The following NUP214 variants were observed in gnomAD, a reference collection of about 807,000 sequenced individuals.
NUP214 encodes the protein nuclear pore complex protein Nup214.
In NUP214, 79 loss-of-function variants were observed where a neutral mutation model predicts 196.2. The ratio of observed to expected loss-of-function variants is 0.40; its 90% CI spans 0.34 to 0.49. The LOEUF (loss-of-function observed/expected upper bound fraction) is 0.49. NUP214 is among the 20% of genes least tolerant of loss of function. The pLI, the probability that NUP214 is intolerant of heterozygous loss-of-function variation, is 0.58. For missense variants in NUP214, 2,468 were observed against 2,539.0 expected, an observed-to-expected ratio of 0.97 and a Z score of 0.60; for synonymous variants, 1,020 against 990.5, an observed-to-expected ratio of 1.03 and a Z score of -0.56.
chr9:131,198,526 G>A lies in NUP214; in HGVS notation c.5032G>A (p.Ala1678Thr). The change falls in exon 29 of 36, where the codon GCA becomes ACA. Residue 1678 changes from alanine to threonine, a missense_variant. By Grantham distance (58) the Ala-to-Thr change is moderately conservative. Around this residue, in one of 5 missense-constraint regions of NUP214, gnomAD observed 1,801 missense variants for 1,779.4 expected, o/e 1.01. Coordinates refer to ENST00000359428, the MANE Select transcript of NUP214 (RefSeq NM_005085.4). ...PSATPVFGQVAASTAPSLFGQ... is the reference protein window; with the variant it reads ...PSATPVFGQVTASTAPSLFGQ... Reference sequence around the variant, plus strand: ...TGCCACGCCCGTGTTTGGGCAAGTGGCAGCCAGCACCGCACCAAGTCTGTT... The same window carrying A: ...TGCCACGCCCGTGTTTGGGCAAGTGACAGCCAGCACCGCACCAAGTCTGTT... The A allele has an allele frequency of 1.2e-6, 2 of 1,614,190 alleles. No homozygotes were observed. The highest frequency in any genetic ancestry group is 4.5e-5 in the East Asian group (2 of 44,882).
chr9:131,142,071 T>G (rs897440144), intron 11 of NUP214, among the ~76,000 whole-genome samples: 7 of 152,206 alleles, frequency 4.6e-5, no homozygotes, highest in African/African-American at 9.6e-5. Flanking sequence ...ATATACCAGA[T>G]GGCTTGCAGA....
chr9:131,130,132 G>GTTTTTTTTTTTTTTTTTTTTTTTTTTT (rs1245763919), intron 4 of NUP214, among the ~76,000 whole-genome samples: 7 of 46,552 alleles, frequency 1.5e-4, no homozygotes, highest in Non-Finnish European at 2.6e-4. Flanking sequence ...ATGATTTCTG[G>GTTTTTTTTTTTTTTTTTTTTTTTTTTT]TTTTGTTTTT....
At chr9:131,161,094 A>G (rs1212551246) in intron 18 of NUP214, among the ~76,000 whole-genome samples, 1 of 152,200 alleles carries the variant, frequency 6.6e-6, no homozygotes, top group Non-Finnish European at 1.5e-5. Context: ...AGAGAAGCCA[A>G]GCTTTTTTTT....
At chr9:131,160,497 AAGG>A (rs1206789838) in intron 18 of NUP214, among the ~76,000 whole-genome samples, 1 of 152,214 alleles carries the variant, frequency 6.6e-6, no homozygotes, top group African/African-American at 2.4e-5. Flanking sequence ...TATTTTCCAC[AAGG>A]AGTAGAATGT....
rs1341702829 is a variant in NUP214 at position 131,228,168 on chromosome 9, G to T, written c.5911G>T (p.Gly1971Cys). ...GCCTCTGTTTTGCTCAGGTGGCTTCGGTGCTGCTCCAGTGTTTGGCAGCCC... is the reference window on the plus strand; with the variant it reads ...GCCTCTGTTTTGCTCAGGTGGCTTCTGTGCTGCTCCAGTGTTTGGCAGCCC... ...FSSPNKTGGF[G>C]AAPVFGSPPT... Residue 1971 changes from glycine to cysteine, a missense_variant, in exon 33 of 36, where the codon GGT becomes TGT. Gly to Cys is a radical substitution (Grantham distance 159, BLOSUM62 -3). Around this residue, in one of 5 missense-constraint regions of NUP214, gnomAD observed 262 missense variants for 296.5 expected, o/e 0.88. Coordinates refer to ENST00000359428, the MANE Select transcript of NUP214 (RefSeq NM_005085.4). 3.2e-6 allele frequency: 5 copies of T among 1,578,192 alleles called. No individual in the cohort carries two copies. The African/African-American group carries it at 5.6e-5, about 18-fold the overall frequency.
intron 21 of NUP214, 151 bp from the exon 22 acceptor site, chr9:131,173,904 C>A: frequency 9.7e-7 from 1 of 1,034,796 alleles, no homozygotes; most frequent in Non-Finnish European, 1.4e-6. Flanking sequence ...TTTTTGTTCA[C>A]ATTTGACAAT....
At chr9:131,196,038 C>CG (rs1833777909) in intron 28 of NUP214, among the ~76,000 whole-genome samples, 1 of 36,150 alleles carries the variant, frequency 2.8e-5, no homozygotes, top group African/African-American at 7.6e-5. Context: ...CCCCCCCCCC[C>CG]CGCGCCAAAA....
intron 31 of NUP214, among the ~76,000 whole-genome samples, chr9:131,220,231 C>G (rs183694495): frequency 6.6e-6 from 1 of 152,062 alleles, no homozygotes; most frequent in South Asian, 2.1e-4. Flanking sequence ...TTGTTCGGTC[C>G]GCCAAGATAT....
chr9:131,194,769 G>A (rs886484062), intron 27 of NUP214, among the ~76,000 whole-genome samples: 4 of 152,140 alleles, frequency 2.6e-5, no homozygotes, highest in Non-Finnish European at 4.4e-5. Context: ...GCAGTGTGGG[G>A]CTCTCTGACA....
chr9:131,129,705 G>A (rs1238612602), intron 4 of NUP214, among the ~76,000 whole-genome samples: 1 of 152,054 alleles, frequency 6.6e-6, no homozygotes, highest in Admixed American at 6.6e-5. Flanking sequence ...CTGGGTTCAA[G>A]CAATTCTCGT....
At chr9:131,201,844 C>A in intron 30 of NUP214, 127 bp downstream of exon 30, 1 of 781,610 alleles carries the variant, frequency 1.3e-6, no homozygotes, top group Non-Finnish European at 2.2e-6. Flanking sequence ...GGTTCTTAAG[C>A]TGTACTCCCT....
Position 131,150,403 on chromosome 9 carries a change from G to A in NUP214, c.2120G>A (p.Gly707Glu). ...TCAGATCCTGTAATGGCTGGAATTGGGGAGGAGGTAAATTTGTTTCCTGAG... is the reference window on the plus strand; with the variant it reads ...TCAGATCCTGTAATGGCTGGAATTGAGGAGGAGGTAAATTTGTTTCCTGAG... ...KDSDPVMAGI[G>E]EEIAHFQKEL... Residue 707 changes from glycine (G) to glutamate (E), a missense_variant, in exon 15 of 36, where the codon GGG becomes GAG. This residue lies in a region of NUP214 where 1,801 missense variants were observed against 1,779.4 expected (regional missense o/e 1.01). Transcript: ENST00000359428. The A allele has an allele frequency of 6.2e-7, 1 of 1,614,112 alleles. No individual in the cohort carries two copies. Among genetic ancestry groups the A allele is most frequent in the Non-Finnish European group, 8.5e-7 (1 of 1,179,976 alleles).
At chr9:131,222,749 T>A (rs1834598331) in intron 31 of NUP214, 29 bp from the exon 32 acceptor site, 3 of 1,602,568 alleles carry the variant, frequency 1.9e-6, no homozygotes, top group Non-Finnish European at 2.6e-6. Context: ...TGTCTCCCTC[T>A]GACCTCCCTC....
chr9:131,198,438 T>C lies in NUP214; in HGVS notation c.4944T>C (p.Pro1648=). The change falls in exon 29 of 36, where the codon CCT becomes CCC. Residue 1648 remains proline, a synonymous_variant. Transcript: ENST00000359428. ...VTSGSSVFAQ[P]PAASSSSAFN... The stretch of plus-strand genomic sequence containing the variant: ...CTGGCTCATCCGTCTTTGCTCAGCC[T>C]CCTGCTGCCAGTTCTAGCTCAGCTT... The C allele has an allele frequency of 6.2e-7, 1 of 1,614,216 alleles. No homozygotes were observed. Among genetic ancestry groups the C allele is most frequent in the Non-Finnish European group, 8.5e-7 (1 of 1,180,034 alleles).
intron 30 of NUP214, among the ~76,000 whole-genome samples, chr9:131,203,036 C>T (rs972535011): frequency 1.3e-5 from 2 of 151,854 alleles, no homozygotes; most frequent in Non-Finnish European, 2.9e-5. Flanking sequence ...AGCTCTGCCT[C>T]CCAGGTTCAC....
In NUP214 at chr9:131,192,194, T is replaced by TTTC. The variant is rs761322459; in HGVS notation, c.3575-13_3575-12insTCT. The TTTC allele has an allele frequency of 2.4e-6, 3 of 1,269,262 alleles. No individual in the cohort carries two copies. The highest frequency in any genetic ancestry group is 4.9e-5 in the East Asian group (2 of 40,614). 78.6% of individuals were successfully genotyped at this position (1,269,262 alleles called of 1,614,324 possible). A position where few individuals can be genotyped will look rare whatever the true frequency, so the allele number is the denominator to read the frequency against. ...CTTTTTTTTTTTTTTTTTTTTTTTT[T>TTTC]TCCATAATTTCAGGGACAGCCAAGA... On this transcript the variant is annotated splice_polypyrimidine_tract_variant and intron_variant, in intron 26 of 35. Transcript: ENST00000359428.
At chr9:131,182,024 A>G (rs1833293784) in intron 24 of NUP214, among the ~76,000 whole-genome samples, 1 of 152,182 alleles carries the variant, frequency 6.6e-6, no homozygotes, top group Non-Finnish European at 1.5e-5. Context: ...ATTGTTTTGA[A>G]TGTGGATATC....
chr9:131,180,618 T>C (rs1359745197), intron 24 of NUP214, among the ~76,000 whole-genome samples: 3 of 152,218 alleles, frequency 2.0e-5, no homozygotes, highest in Admixed American at 6.5e-5. Flanking sequence ...ATCCATTCAG[T>C]TCGTTGGAAG....
intron 4 of NUP214, among the ~76,000 whole-genome samples, chr9:131,129,890 A>T (rs1473779369): frequency 6.6e-6 from 1 of 152,048 alleles, no homozygotes; most frequent in African/African-American, 2.4e-5. Context: ...GGTGTGAGGC[A>T]CTGTGCCCGG....
Sources: gnomAD v4.1 joint callset for allele counts (sites outside exome capture counted in the v4.1 genomes callset) on GRCh38, gnomAD v4.1.1 for gene constraint, gnomAD v4.1.1 regional missense constraint, MANE v1.5 for transcripts, NCBI Gene and HGNC (gene_info 2026-07-23, HGNC 2026-07-21) for gene names.